MACROD2: variants seen among roughly 807,000 people sequenced by gnomAD.
MACROD2 encodes ADP-ribose glycohydrolase MACROD2.
Under a neutral mutation model 70.4 loss-of-function variants are expected in MACROD2, and 36 were observed. That is an observed-to-expected ratio of 0.51 (90% CI 0.39 to 0.68). The LOEUF (loss-of-function observed/expected upper bound fraction) is 0.68, where lower values mean the gene tolerates loss of function less well. MACROD2 is among the 30% of genes least tolerant of loss of function. The pLI is 0.00. For missense variants in MACROD2, 496 were observed against 538.4 expected, an observed-to-expected ratio of 0.92 and a Z score of 0.78; for synonymous variants, 172 against 178.8, an observed-to-expected ratio of 0.96 and a Z score of 0.30.
At chr20:15,458,355 G>T (rs138100042) in intron 7 of MACROD2, among the ~76,000 whole-genome samples, 2 of 152,114 alleles carry the variant, frequency 1.3e-5, no homozygotes, top group African/African-American at 4.8e-5. Context: ...CATTTTTATG[G>T]TCAAACTCAG....
intron 3 of MACROD2, among the ~76,000 whole-genome samples, chr20:14,184,431 C>A (rs1212988385): frequency 6.6e-6 from 1 of 151,522 alleles, no homozygotes; most frequent in Non-Finnish European, 1.5e-5. Flanking sequence ...TTATTGTAGC[C>A]CTGTAGTATA....
intron 5 of MACROD2, among the ~76,000 whole-genome samples, chr20:14,821,798 T>C (rs1480736657): frequency 6.6e-6 from 1 of 152,050 alleles, no homozygotes; most frequent in Non-Finnish European, 1.5e-5. Flanking sequence ...TGAATAGATT[T>C]GTCCAAGACC....
intron 4 of MACROD2, among the ~76,000 whole-genome samples, chr20:14,645,493 T>C (rs1985338596): frequency 1.3e-5 from 2 of 152,094 alleles, no homozygotes. Context: ...TTGCTTTTTC[T>C]AATTTAATTT....
intron 10 of MACROD2, among the ~76,000 whole-genome samples, chr20:15,928,312 A>G (rs1380170013): frequency 6.6e-6 from 1 of 152,240 alleles, no homozygotes; most frequent in Non-Finnish European, 1.5e-5. Flanking sequence ...TTAGCAATAA[A>G]CACAAAACTT....
chr20:15,072,234 C>A (rs962399791), intron 5 of MACROD2, among the ~76,000 whole-genome samples: 1 of 152,062 alleles, frequency 6.6e-6, no homozygotes, highest in East Asian at 1.9e-4. Context: ...TAGTTACAGG[C>A]GTGACTGATT....
intron 3 of MACROD2, among the ~76,000 whole-genome samples, chr20:14,148,585 G>A (rs1014506705): frequency 2.6e-5 from 4 of 152,148 alleles, no homozygotes; most frequent in African/African-American, 9.7e-5. Flanking sequence ...AAGCTGCACT[G>A]TTACATATTC....
intron 4 of MACROD2, among the ~76,000 whole-genome samples, chr20:14,570,863 A>C (rs1481915749): frequency 6.6e-6 from 1 of 151,874 alleles, no homozygotes; most frequent in African/African-American, 2.4e-5. Flanking sequence ...AAAAGAGGGA[A>C]ACAGAATTAT....
chr20:14,238,331 G>GA (rs759381829), intron 3 of MACROD2, among the ~76,000 whole-genome samples: 5 of 152,114 alleles, frequency 3.3e-5, no homozygotes, highest in Non-Finnish European at 7.4e-5. Flanking sequence ...AATTAATGTA[G>GA]AAAAACCTTT....
chr20:14,752,319 C>T (rs1221496064), intron 5 of MACROD2, among the ~76,000 whole-genome samples: 1 of 151,984 alleles, frequency 6.6e-6, no homozygotes, highest in Non-Finnish European at 1.5e-5. Context: ...TCTTGTACCC[C>T]CAGACTTCTT....
intron 5 of MACROD2, among the ~76,000 whole-genome samples, chr20:14,857,546 C>T (rs531064156): frequency 6.6e-6 from 1 of 152,106 alleles, no homozygotes; most frequent in Non-Finnish European, 1.5e-5. Context: ...GACAAGGGAG[C>T]CCTGCCTTAG....
Position 15,640,590 on chromosome 20 carries a change from G to A in MACROD2, c.645+140743G>A, listed in dbSNP as rs565181204. On this transcript the variant is annotated intron_variant, in intron 8 of 17. Coordinates refer to ENST00000684519, the MANE Select transcript of MACROD2 (RefSeq NM_001351661.2). ...CTGCCCATGCAGAGAACATAGTCAT[G>A]TGGCCTTTCTTGTTTTATCATCCCT... Among the ~76,000 whole-genome samples, 13 of 152,332 alleles carry A rather than the reference G, an allele frequency of 8.5e-5. No individual in the cohort carries two copies. The South Asian group carries it at 2.1e-3, about 24-fold the overall frequency.
intron 8 of MACROD2, among the ~76,000 whole-genome samples, chr20:15,688,535 T>C (rs77473454): frequency 1.3e-5 from 2 of 152,180 alleles, no homozygotes; most frequent in Non-Finnish European, 2.9e-5. Flanking sequence ...AGAATGTAGA[T>C]TCCCAGGGCT....
chr20:14,023,300 C>T (rs907398474), intron 2 of MACROD2, among the ~76,000 whole-genome samples: 2 of 152,106 alleles, frequency 1.3e-5, no homozygotes, highest in African/African-American at 2.4e-5. Flanking sequence ...TGGATATTAG[C>T]CCTTTGTCAG....
rs548938068 is a variant in MACROD2, at chr20:14,613,380, G to A, written c.302-71463G>A. 2.0e-5 allele frequency among the ~76,000 whole-genome samples: 3 copies of A among 152,144 alleles called. No homozygotes were observed. The East Asian group carries it at 5.8e-4, about 29-fold the overall frequency. On this transcript the variant is annotated intron_variant, in intron 4 of 17. Transcript: ENST00000684519. Reference sequence around the variant, plus strand: ...GTGAGAGAGTATTTTACGGTGGGCTGGAAGGTGTTTCTGTTTCTCTTGGTT... The same window carrying A: ...GTGAGAGAGTATTTTACGGTGGGCTAGAAGGTGTTTCTGTTTCTCTTGGTT...
chr20:15,018,205 G>A (rs1004469122), intron 5 of MACROD2, among the ~76,000 whole-genome samples: 10 of 151,984 alleles, frequency 6.6e-5, no homozygotes, highest in Middle Eastern at 3.2e-3. Flanking sequence ...AATTTCTCCC[G>A]CCAGATACCT....
At chr20:14,138,812 CTATG>C (rs1569175834) in intron 3 of MACROD2, among the ~76,000 whole-genome samples, 1 of 150,778 alleles carries the variant, frequency 6.6e-6, no homozygotes, top group African/African-American at 2.5e-5. Context: ...CACACGGTAA[CTATG>C]TGAGATTACG....
intron 5 of MACROD2, among the ~76,000 whole-genome samples, chr20:14,688,665 T>C (rs1663747353): frequency 6.6e-6 from 1 of 152,198 alleles, no homozygotes; most frequent in Non-Finnish European, 1.5e-5. Context: ...ATTTTTGAAT[T>C]CATAATGCAA....
At chr20:14,567,009 A>G (rs572442050) in intron 4 of MACROD2, 1 of 151,820 alleles carries the variant, frequency 6.6e-6, no homozygotes, top group African/African-American at 2.4e-5. Context: ...TGCAGTGACT[A>G]TTTATAAGCA....
intron 2 of MACROD2, among the ~76,000 whole-genome samples, chr20:14,017,802 T>C (rs1282039960): frequency 6.6e-6 from 1 of 152,170 alleles, no homozygotes; most frequent in Non-Finnish European, 1.5e-5. Flanking sequence ...TAATGCTGGC[T>C]ATAAGGATGA....
Sources: allele counts gnomAD v4.1 joint callset (sites outside exome capture counted in the v4.1 genomes callset), GRCh38; gene constraint gnomAD v4.1.1; transcripts MANE v1.5; gene names NCBI Gene and HGNC (gene_info 2026-07-23, HGNC 2026-07-21).